COL4A5: variants seen among roughly 807,000 people sequenced by gnomAD.
COL4A5 encodes collagen type IV alpha 5 chain.
A neutral mutation model predicts 130.2 loss-of-function variants in COL4A5; 26 were observed. The ratio of observed to expected loss-of-function variants is 0.20; its 90% CI spans 0.15 to 0.28. The LOEUF (loss-of-function observed/expected upper bound fraction) is 0.28, where lower values mean the gene tolerates loss of function less well. Ranked by LOEUF, COL4A5 falls within the 10% of genes least tolerant of loss-of-function variation. The probability of loss-of-function intolerance (pLI) is 1.00; values close to 1 mark genes in which losing one functional copy is unlikely to be tolerated. For synonymous variants in COL4A5, 496 were observed against 439.6 expected (o/e 1.13, Z -1.60); for missense variants, 1,131 against 1,344.3 (o/e 0.84, Z 2.48).
At chrX:108,601,252 G>A (rs1250220498) in intron 25 of COL4A5, 141 bp from the exon 26 acceptor site, 2 of 482,590 alleles carry the variant, frequency 4.1e-6, no homozygotes, top group African/African-American at 2.4e-5. Context: ...ATATATAGTG[G>A]AAGATTGTTT....
chrX:108,639,212 A>G (rs780083431), intron 36 of COL4A5, among the ~76,000 whole-genome samples: 1 of 111,225 alleles, frequency 9.0e-6, no homozygotes, highest in South Asian at 3.8e-4. Context: ...AAATAGACCA[A>G]TGTAATAGAT....
At chrX:108,451,291 G>A (rs1225365473) in intron 1 of COL4A5, among the ~76,000 whole-genome samples, 1 of 110,249 alleles carries the variant, frequency 9.1e-6, no homozygotes, top group Non-Finnish European at 1.9e-5. Context: ...TGTGAATAGT[G>A]CTGCAATAAA....
chrX:108,546,038 C>A (rs916890411), intron 2 of COL4A5, among the ~76,000 whole-genome samples: 2 of 111,920 alleles, frequency 1.8e-5, no homozygotes, highest in African/African-American at 3.3e-5. Flanking sequence ...ATACAGCACC[C>A]TGGTGGGTCT....
chrX:108,528,045 C>G (rs1198663676), intron 1 of COL4A5, among the ~76,000 whole-genome samples: 3 of 112,086 alleles, frequency 2.7e-5, no homozygotes, highest in African/African-American at 9.7e-5. Context: ...AGCATCCAAG[C>G]AAGACACCTG....
intron 34 of COL4A5, among the ~76,000 whole-genome samples, chrX:108,624,890 T>G (rs966444855): frequency 9.0e-6 from 1 of 111,400 alleles, no homozygotes; most frequent in Non-Finnish European, 1.9e-5. Context: ...CTTCAGCCAC[T>G]TTCTTTTAGT....
chrX:108,606,848 G>C lies in COL4A5; in HGVS notation c.2351G>C (p.Gly784Ala). ...GATCGTGGTTTCCCAGGACCTCCGGGTCCTCCAGGACGCACTGGCTTAGAT... is the reference window on the plus strand; with the variant it reads ...GATCGTGGTTTCCCAGGACCTCCGGCTCCTCCAGGACGCACTGGCTTAGAT... ...KGDRGFPGPP[G>A]PPGRTGLDGL... Residue 784 changes from glycine (G) to alanine (A), a missense_variant, in exon 29 of 53, where the codon GGT (glycine) becomes GCT (alanine). Coordinates refer to ENST00000328300, the MANE Select transcript of COL4A5 (RefSeq NM_033380.3). The C allele has an allele frequency of 8.3e-7, 1 of 1,211,232 alleles. No homozygotes were observed. The highest frequency in any genetic ancestry group is 1.1e-6 in the Non-Finnish European group (1 of 895,220).
intron 6 of COL4A5, among the ~76,000 whole-genome samples, chrX:108,570,605 G>A (rs183980024): frequency 8.9e-6 from 1 of 112,161 alleles, no homozygotes; most frequent in Admixed American, 9.5e-5. Context: ...GAGCCACAAT[G>A]TATAGGTTTT....
At chrX:108,499,755 C>T (rs7876176) in intron 1 of COL4A5, among the ~76,000 whole-genome samples, 8,226 of 110,853 alleles carry the variant, frequency 0.074, 768 homozygotes, top group African/African-American at 0.26. Flanking sequence ...GTAACTAGTC[C>T]CCTACATAAC....
intron 1 of COL4A5, among the ~76,000 whole-genome samples, chrX:108,493,409 C>A (rs2065008729): frequency 8.9e-6 from 1 of 111,797 alleles, no homozygotes; most frequent in South Asian, 3.7e-4. Context: ...AAGTTGCCAA[C>A]TCAGGTAGTT....
chrX:108,680,615 C>A, intron 44 of COL4A5, 64 bp from the exon 45 acceptor site: 1 of 844,107 alleles, frequency 1.2e-6, no homozygotes, highest in Non-Finnish European at 1.8e-6. Flanking sequence ...AATTCTTATG[C>A]CCTCAATCAC....
intron 1 of COL4A5, among the ~76,000 whole-genome samples, chrX:108,447,775 A>C (rs1406920031): frequency 5.4e-5 from 6 of 111,931 alleles, no homozygotes; most frequent in Admixed American, 9.5e-5. Flanking sequence ...TAATCATTCC[A>C]TCATCTCATC....
Position 108,668,433 on chromosome X carries a change from C to G in COL4A5, c.3719C>G (p.Pro1240Arg). Residue 1240 changes from proline (P) to arginine (R), a missense_variant, in exon 41 of 53, where the codon CCT becomes CGT. By Grantham distance (103) the Pro-to-Arg change is moderately radical. Coordinates refer to ENST00000328300, the MANE Select transcript of COL4A5 (RefSeq NM_033380.3). ...GGTGTGCAGGGTCCCCCAGGCCCTCCTGGTTCTCCGGGTCCAGCTCTGGAA... is the reference window on the plus strand; with the variant it reads ...GGTGTGCAGGGTCCCCCAGGCCCTCGTGGTTCTCCGGGTCCAGCTCTGGAA... ...FPGVQGPPGP[P>R]GSPGPALEGP... 10 of 1,210,017 alleles carry G rather than the reference C, an allele frequency of 8.3e-6. No individual in the cohort carries two copies. Among genetic ancestry groups the G allele is most frequent in the Non-Finnish European group, 1.0e-5 (9 of 894,866 alleles).
intron 2 of COL4A5, among the ~76,000 whole-genome samples, chrX:108,542,334 A>G (rs1603269220): frequency 1.0e-5 from 1 of 96,424 alleles, no homozygotes; most frequent in African/African-American, 4.0e-5. Flanking sequence ...TTCAATTCCC[A>G]CCTATGAATG....
At chrX:108,616,397 G>A (rs1294608396) in intron 30 of COL4A5, among the ~76,000 whole-genome samples, 5 of 109,985 alleles carry the variant, frequency 4.5e-5, no homozygotes, top group African/African-American at 1.7e-4. Context: ...CACCACGCCC[G>A]GCTAATTTTT....
intron 52 of COL4A5, chrX:108,695,686 G>C: frequency 2.7e-6 from 1 of 368,927 alleles, no homozygotes; most frequent in South Asian, 3.5e-5. Flanking sequence ...CAGAGATAAA[G>C]AAAGGTTATG....
At chrX:108,581,149 G>A (rs1284624250) in intron 16 of COL4A5, 122 bp downstream of exon 16, 4 of 608,728 alleles carry the variant, frequency 6.6e-6, no homozygotes, top group Non-Finnish European at 1.1e-5. Flanking sequence ...TAAATGAATT[G>A]AAATTATCCA....
chrX:108,454,789 A>G (rs907110423), intron 1 of COL4A5, among the ~76,000 whole-genome samples: 1 of 109,331 alleles, frequency 9.1e-6, no homozygotes, highest in Non-Finnish European at 1.9e-5. Context: ...GTCTACTTCT[A>G]TGATTTTATC....
At position 108,695,417 on chromosome X, in the gene COL4A5, G is replaced by A. The variant is rs2068718130; in HGVS notation, c.4972G>A (p.Val1658Ile). ...CTCCTACAGCTTTTGGCTGGCAACT[G>A]TAGATGTGTCAGACATGTTCAGGTA... is the stretch of plus-strand genomic sequence containing the variant. ...ANSYSFWLAT[V>I]DVSDMFSKPQ... Residue 1658 changes from valine (V) to isoleucine (I), a missense_variant, in exon 52 of 53, where the codon GTA becomes ATA. Physicochemically the swap from Val to Ile is conservative, Grantham distance 29. Coordinates refer to ENST00000328300, the MANE Select transcript of COL4A5 (RefSeq NM_033380.3). The A allele has an allele frequency of 8.3e-7, 1 of 1,211,316 alleles. No homozygotes were observed.
chrX:108,588,182 C>T (rs753632963), intron 19 of COL4A5, among the ~76,000 whole-genome samples: 7 of 110,428 alleles, frequency 6.3e-5, no homozygotes, highest in Non-Finnish European at 1.1e-4. Context: ...TAGTGATTTC[C>T]GTAAGATTTC....
Sources: gnomAD v4.1 joint callset for allele counts (sites outside exome capture counted in the v4.1 genomes callset) on GRCh38, gnomAD v4.1.1 for gene constraint, MANE v1.5 for transcripts, NCBI Gene and HGNC (gene_info 2026-07-23, HGNC 2026-07-21) for gene names.